LRP1B: variants seen among roughly 807,000 people sequenced by gnomAD.
LRP1B encodes low-density lipoprotein receptor-related protein 1B.
A neutral mutation model predicts 556.6 loss-of-function variants in LRP1B; 217 were observed. The observed-to-expected ratio is 0.39, with a 90% CI of 0.35 to 0.44. The LOEUF (loss-of-function observed/expected upper bound fraction) is 0.44. Ranked by LOEUF, LRP1B falls within the 20% of genes least tolerant of loss-of-function variation. The pLI is 1.00. For synonymous variants in LRP1B, 2,047 were observed against 1,865.8 expected (o/e 1.10, Z -2.50); for missense variants, 5,053 against 5,620.8 (o/e 0.90, Z 3.23).
At chr2:141,109,404 C>T (rs1700692530) in intron 7 of LRP1B, among the ~76,000 whole-genome samples, 1 of 151,934 alleles carries the variant, frequency 6.6e-6, no homozygotes, top group African/African-American at 2.4e-5. Context: ...AGTTACACTT[C>T]CCCAGTCTTT....
rs551062976 is a variant in LRP1B at position 142,051,775 on chromosome 2, T to A, written c.82+78873A>T. Among the ~76,000 whole-genome samples the A allele has an allele frequency of 2.0e-5, 3 of 152,194 alleles. No homozygotes were observed. The East Asian group carries it at 5.8e-4, about 30-fold the overall frequency. Reference sequence around the variant, plus strand: ...CAGGCATGAGCCACCGTGTTATACTTTGGAATTCCCCACCATATAGTTCTC... The same window carrying A: ...CAGGCATGAGCCACCGTGTTATACTATGGAATTCCCCACCATATAGTTCTC... On this transcript the variant is annotated intron_variant, in intron 1 of 90. Coordinates refer to ENST00000389484, the MANE Select transcript of LRP1B (RefSeq NM_018557.3).
chr2:140,587,649 A>G (rs945922535), intron 43 of LRP1B, among the ~76,000 whole-genome samples: 54 of 152,190 alleles, frequency 3.5e-4, no homozygotes, highest in Non-Finnish European at 4.6e-4. Flanking sequence ...CTTTGGAGAT[A>G]AATAGCACAA....
At chr2:141,399,795 A>C (rs1353274798) in intron 3 of LRP1B, among the ~76,000 whole-genome samples, 1 of 152,172 alleles carries the variant, frequency 6.6e-6, no homozygotes, top group Non-Finnish European at 1.5e-5. Flanking sequence ...ATAGAAACCA[A>C]ATTTGTCAAA....
chr2:140,808,746 T>C (rs1430992535), intron 32 of LRP1B, among the ~76,000 whole-genome samples: 1 of 152,214 alleles, frequency 6.6e-6, no homozygotes, highest in Non-Finnish European at 1.5e-5. Flanking sequence ...TATTTATTGC[T>C]GTTAGGGGTG....
intron 1 of LRP1B, among the ~76,000 whole-genome samples, chr2:141,814,032 A>T (rs1210321427): frequency 6.6e-6 from 1 of 152,164 alleles, no homozygotes; most frequent in Non-Finnish European, 1.5e-5. Context: ...GGCAGAAGTG[A>T]AGGCTTGGCC....
At chr2:141,690,257 G>A (rs756220168) in intron 2 of LRP1B, among the ~76,000 whole-genome samples, 1 of 150,744 alleles carries the variant, frequency 6.6e-6, no homozygotes, top group South Asian at 2.1e-4. Context: ...TTACAAGCAT[G>A]CTGCTTCTTG....
At chr2:140,491,663 T>C (rs1688706268) in intron 57 of LRP1B, among the ~76,000 whole-genome samples, 1 of 152,298 alleles carries the variant, frequency 6.6e-6, no homozygotes, top group Admixed American at 6.5e-5. Flanking sequence ...GAAGCAGTTA[T>C]ATGTACGTTT....
intron 66 of LRP1B, among the ~76,000 whole-genome samples, chr2:140,432,596 C>G (rs1685999972): frequency 6.6e-6 from 1 of 152,180 alleles, no homozygotes; most frequent in Admixed American, 6.5e-5. Flanking sequence ...ACAGTTGTCC[C>G]TAACGATCTG....
In LRP1B at chr2:141,180,734, A is replaced by T. The variant is rs117697157; in HGVS notation, c.1013+7687T>A. On this transcript the variant is annotated intron_variant, in intron 7 of 90. Coordinates refer to ENST00000389484, the MANE Select transcript of LRP1B (RefSeq NM_018557.3). ...ACCCAAAAAACAAAACAAAAACCCT[A>T]TCATTTTTCTTGAAAAGAGATAAGA... Among the ~76,000 whole-genome samples the T allele has an allele frequency of 6.7e-4, 102 of 152,098 alleles. 3 individuals carry two copies. In the East Asian group the frequency reaches 0.017, roughly 25 times the overall value.
chr2:140,587,244 T>C (rs145147343), intron 43 of LRP1B, among the ~76,000 whole-genome samples: 60 of 152,182 alleles, frequency 3.9e-4, no homozygotes, highest in African/African-American at 1.4e-3. Context: ...CTAACATTCA[T>C]GTCAAAGAGT....
Position 141,061,902 on chromosome 2 carries a change from A to G in LRP1B, c.1236+149T>C. ...TGGAAATATCACAATATCACTGTGA[A>G]AAGAACATTCTCCAATATAGGAAAT... On this transcript the variant is annotated intron_variant, in intron 8 of 90. Coordinates refer to ENST00000389484, the MANE Select transcript of LRP1B (RefSeq NM_018557.3). 5 of 638,568 alleles carry G rather than the reference A, an allele frequency of 7.8e-6. No homozygotes were observed. In the Admixed American group the frequency reaches 1.4e-4, roughly 18 times the overall value. 39.6% of individuals were successfully genotyped at this position (638,568 alleles called of 1,614,324 possible).
At chr2:141,908,307 C>T (rs1025436637) in intron 1 of LRP1B, among the ~76,000 whole-genome samples, 4 of 151,976 alleles carry the variant, frequency 2.6e-5, no homozygotes, top group Non-Finnish European at 5.9e-5. Flanking sequence ...CACTTAAATG[C>T]TTAATAAGTG....
intron 3 of LRP1B, among the ~76,000 whole-genome samples, chr2:141,459,038 G>T (rs550100431): frequency 7.4e-4 from 113 of 152,280 alleles, no homozygotes; most frequent in Non-Finnish European, 1.4e-3. Context: ...GAAACACCCT[G>T]ATTCACCGTG....
chr2:140,807,001 A>C (rs983304418), intron 32 of LRP1B, among the ~76,000 whole-genome samples: 3 of 152,222 alleles, frequency 2.0e-5, no homozygotes, highest in African/African-American at 7.2e-5. Flanking sequence ...GAAATATGTT[A>C]AATAAAATCC....
At chr2:141,172,981 CTAA>C (rs2105148692) in intron 7 of LRP1B, among the ~76,000 whole-genome samples, 1 of 151,590 alleles carries the variant, frequency 6.6e-6, no homozygotes, top group East Asian at 2.0e-4. Context: ...TGGGATGTGA[CTAA>C]TGATTCCTAA....
chr2:141,465,876 GT>G (rs796468962), intron 3 of LRP1B, among the ~76,000 whole-genome samples: 13 of 148,260 alleles, frequency 8.8e-5, no homozygotes, highest in Admixed American at 2.0e-4. Flanking sequence ...TCTCAGGTAT[GT>G]TTTTTTTTAT....
intron 35 of LRP1B, among the ~76,000 whole-genome samples, chr2:140,729,303 G>A (rs936191979): frequency 2.0e-5 from 3 of 152,142 alleles, no homozygotes; most frequent in Non-Finnish European, 4.4e-5. Context: ...TTTTAGAAAG[G>A]TAAAGTTAAG....
intron 1 of LRP1B, among the ~76,000 whole-genome samples, chr2:141,826,573 A>G (rs977822398): frequency 6.6e-6 from 1 of 151,938 alleles, no homozygotes; most frequent in Non-Finnish European, 1.5e-5. Context: ...GTTAGCCAGG[A>G]TGGTCTCCAT....
intron 6 of LRP1B, among the ~76,000 whole-genome samples, chr2:141,211,043 A>G (rs372933158): frequency 6.6e-5 from 10 of 152,202 alleles, no homozygotes; most frequent in South Asian, 6.2e-4. Flanking sequence ...GCTGGAGTAC[A>G]TTGGCATGAT....
Sources: gnomAD v4.1 joint callset for allele counts (sites outside exome capture counted in the v4.1 genomes callset) on GRCh38, gnomAD v4.1.1 for gene constraint, MANE v1.5 for transcripts, NCBI Gene and HGNC (gene_info 2026-07-23, HGNC 2026-07-21) for gene names.